LSAMP: variants seen among roughly 807,000 people sequenced by gnomAD.
LSAMP encodes the protein limbic system-associated membrane protein.
A neutral mutation model predicts 38.6 loss-of-function variants in LSAMP; 7 were observed. The ratio of observed to expected loss-of-function variants is 0.18; its 90% CI spans 0.10 to 0.34. The LOEUF (loss-of-function observed/expected upper bound fraction) is 0.34. Ranked by LOEUF, LSAMP falls within the 10% of genes least tolerant of loss-of-function variation. The pLI, the probability that LSAMP is intolerant of heterozygous loss-of-function variation, is 1.00. For missense variants in LSAMP, 313 were observed against 420.0 expected (o/e 0.75, Z 2.23); for synonymous variants, 154 against 166.8 (o/e 0.92, Z 0.59).
chr3:116,188,577 T>C (rs560228101), intron 1 of LSAMP, among the ~76,000 whole-genome samples: 1 of 152,318 alleles, frequency 6.6e-6, no homozygotes, highest in African/African-American at 2.4e-5. Flanking sequence ...TCTGTTTATT[T>C]GCTCTCAAGT....
chr3:115,868,836 T>C lies in LSAMP; in HGVS notation c.515-16219A>G, dbSNP rs558669580. Among the ~76,000 whole-genome samples the C allele has an allele frequency of 7.2e-5, 11 of 152,258 alleles. No individual in the cohort carries two copies. The South Asian group carries it at 1.7e-3, about 23-fold the overall frequency. ...CCAAATACAAGAAGAAAATATTTGA[T>C]TGTGCTTTTTTACATTAGATTGTTA... On this transcript the variant is annotated intron_variant, in intron 3 of 6. Coordinates refer to ENST00000490035, the MANE Select transcript of LSAMP (RefSeq NM_002338.5).
intron 1 of LSAMP, among the ~76,000 whole-genome samples, chr3:116,211,970 C>A (rs897293080): frequency 2.6e-5 from 4 of 152,134 alleles, no homozygotes; most frequent in African/African-American, 9.7e-5. Flanking sequence ...AGTATTCTGA[C>A]TGTGCTTCCA....
intron 3 of LSAMP, among the ~76,000 whole-genome samples, chr3:115,977,744 AAAAAT>A (rs1482555871): frequency 1.3e-5 from 2 of 151,260 alleles, no homozygotes; most frequent in Admixed American, 1.3e-4. Context: ...AAAAAAAAAA[AAAAAT>A]CTTTGTCTTT....
chr3:115,848,700 A>T (rs1233100990), intron 4 of LSAMP, among the ~76,000 whole-genome samples: 1 of 152,218 alleles, frequency 6.6e-6, no homozygotes, highest in African/African-American at 2.4e-5. Flanking sequence ...GTGGAGGCAG[A>T]ACTGAATTCA....
At chr3:116,116,301 C>T (rs893084034) in intron 1 of LSAMP, among the ~76,000 whole-genome samples, 6 of 151,768 alleles carry the variant, frequency 4.0e-5, no homozygotes, top group East Asian at 1.9e-4. Context: ...TCAAATCCTT[C>T]TTTTTCTGCA....
Position 115,810,555 on chromosome 3 carries a change from A to G in LSAMP, c.920-141T>C, listed in dbSNP as rs1933791111. On this transcript the variant is annotated intron_variant, in intron 6 of 6. Transcript: ENST00000490035. ...AGTTACTGCACTTATGTGCAGCCCA[A>G]GAAGCGCTCAAAACTTTTCTAAATC... is the stretch of plus-strand genomic sequence containing the variant. 2.9e-6 allele frequency: 2 copies of G among 682,022 alleles called. 1 individual carries two copies. The highest frequency in any genetic ancestry group is 3.5e-5 in the South Asian group (2 of 57,298). The allele number at this position is 682,022 out of a possible 1,614,324, so 42.2% of individuals were successfully genotyped here.
intron 1 of LSAMP, among the ~76,000 whole-genome samples, chr3:116,113,404 ATATATATATATATATATTT>A (rs1226239508): frequency 4.5e-5 from 3 of 66,980 alleles, no homozygotes; most frequent in Admixed American, 1.9e-4. Context: ...TTTGCCCTAT[ATATATATATATATATATTT>A]TTTTTTTTTT....
In LSAMP at chr3:116,221,471, C is replaced by T. The variant is rs2046284123; in HGVS notation, c.156-134915G>A. 5.3e-5 allele frequency among the ~76,000 whole-genome samples: 8 copies of T among 152,278 alleles called. No individual in the cohort carries two copies. The South Asian group carries it at 1.7e-3, about 32-fold the overall frequency. ...TGAACTAGCTAGGGAAGTCATTCAG[C>T]CATTCCACTTGTATGAGCCTCCACT... On this transcript the variant is annotated intron_variant, in intron 1 of 6. Transcript: ENST00000490035.
intron 1 of LSAMP, among the ~76,000 whole-genome samples, chr3:116,329,731 C>T (rs994759174): frequency 5.9e-5 from 9 of 151,936 alleles, no homozygotes; most frequent in Non-Finnish European, 1.2e-4. Context: ...TACCATCTAC[C>T]TACACTTCAA....
At chr3:116,011,768 G>A (rs1289855438) in intron 3 of LSAMP, among the ~76,000 whole-genome samples, 2 of 152,172 alleles carry the variant, frequency 1.3e-5, no homozygotes, top group South Asian at 2.1e-4. Context: ...CTGGGGCAAA[G>A]GAAGAAAAAG....
In LSAMP at chr3:115,809,121, T is replaced by A. The variant is rs1258885796; in HGVS notation, c.*1196A>T. 1 of 152,212 alleles carries A rather than the reference T, an allele frequency of 6.6e-6. No homozygotes were observed. Among genetic ancestry groups the A allele is most frequent in the Non-Finnish European group, 1.5e-5 (1 of 68,040 alleles). The allele number at this position is 152,212 out of a possible 1,614,324, so 9.4% of individuals were successfully genotyped here. A position where few individuals can be genotyped will look rare whatever the true frequency, so the allele number is the denominator to read the frequency against. ...GTGGAGCAGGGCCTACCCTGTTAAATGCCAGGAAATATAAGAATCCCTCAG... is the reference window on the plus strand; with the variant it reads ...GTGGAGCAGGGCCTACCCTGTTAAAAGCCAGGAAATATAAGAATCCCTCAG... On this transcript the variant is annotated 3_prime_UTR_variant, in exon 7 of 7. Coordinates refer to ENST00000490035, the MANE Select transcript of LSAMP (RefSeq NM_002338.5).
intron 1 of LSAMP, among the ~76,000 whole-genome samples, chr3:116,378,800 C>T (rs996470922): frequency 6.6e-6 from 1 of 152,142 alleles, no homozygotes; most frequent in Admixed American, 6.6e-5. Flanking sequence ...TGGACAACCT[C>T]ACCTAGTCTA....
chr3:116,411,030 C>T (rs1469138772), intron 1 of LSAMP, among the ~76,000 whole-genome samples: 2 of 152,068 alleles, frequency 1.3e-5, no homozygotes, highest in Non-Finnish European at 2.9e-5. Flanking sequence ...GTGGGACGCT[C>T]ACCAGCACTG....
At chr3:116,170,345 T>C (rs547384229) in intron 1 of LSAMP, among the ~76,000 whole-genome samples, 4 of 152,320 alleles carry the variant, frequency 2.6e-5, no homozygotes, top group African/African-American at 9.6e-5. Flanking sequence ...TAGCAGAATA[T>C]ATATAATGTA....
At chr3:116,230,211 C>T (rs2046388256) in intron 1 of LSAMP, among the ~76,000 whole-genome samples, 1 of 151,910 alleles carries the variant, frequency 6.6e-6, no homozygotes, top group Admixed American at 6.6e-5. Flanking sequence ...GAGTCTTTCA[C>T]ACTTGTGGGT....
At chr3:116,305,594 A>G (rs2047472106) in intron 1 of LSAMP, among the ~76,000 whole-genome samples, 1 of 152,144 alleles carries the variant, frequency 6.6e-6, no homozygotes. Flanking sequence ...AAAAAAATAC[A>G]GAAAGAAAAT....
intron 1 of LSAMP, among the ~76,000 whole-genome samples, chr3:116,432,170 T>C (rs182213393): frequency 5.6e-4 from 85 of 152,012 alleles, no homozygotes; most frequent in African/African-American, 2.0e-3. Flanking sequence ...CCTTAAAAAT[T>C]TGGTTTTCTG....
In LSAMP at chr3:116,308,974, C is replaced by T. The variant is rs190626405; in HGVS notation, c.155+135903G>A. ...ACAGTAGCCTATAATTCTTCGACAA[C>T]ATTAAGGACAACTTTTCAATATTTC... On this transcript the variant is annotated intron_variant, in intron 1 of 6. Coordinates refer to ENST00000490035, the MANE Select transcript of LSAMP (RefSeq NM_002338.5). Among the ~76,000 whole-genome samples the T allele has an allele frequency of 3.0e-3, 459 of 152,178 alleles. 6 individuals carry two copies. Among genetic ancestry groups the T allele is most frequent in the Non-Finnish European group, 9.1e-4 (62 of 67,950 alleles).
chr3:116,016,969 T>C (rs16824392), intron 3 of LSAMP, among the ~76,000 whole-genome samples: 3,292 of 152,268 alleles, frequency 0.022, 90 homozygotes, highest in African/African-American at 0.063. Context: ...CTGGTTGATA[T>C]TGAAGCCTCC....
Sources: allele counts gnomAD v4.1 joint callset (sites outside exome capture counted in the v4.1 genomes callset), GRCh38; gene constraint gnomAD v4.1.1; transcripts MANE v1.5; gene names NCBI Gene and HGNC (gene_info 2026-07-23, HGNC 2026-07-21).